The following MED12L variants were observed in gnomAD, a reference collection of about 807,000 sequenced individuals.
MED12L encodes the protein mediator of RNA polymerase II transcription subunit 12-like protein.
Under a neutral mutation model 281.3 loss-of-function variants are expected in MED12L, and 60 were observed. That is an observed-to-expected ratio of 0.21 (90% CI 0.17 to 0.26). The LOEUF is 0.26. MED12L is among the 10% of genes least tolerant of loss of function. The pLI is 1.00. For missense variants in MED12L, 2,146 were observed against 2,680.9 expected (o/e 0.80, Z 4.41); for synonymous variants, 974 against 987.2 (o/e 0.99, Z 0.25).
At chr3:151,215,658 G>T (rs1052377903) in intron 16 of MED12L, among the ~76,000 whole-genome samples, 1 of 152,162 alleles carries the variant, frequency 6.6e-6, no homozygotes, top group Admixed American at 6.5e-5. Flanking sequence ...AATTCAAAAG[G>T]TTATTTGATA....
chr3:151,141,856 T>G (rs1274758923), intron 5 of MED12L, among the ~76,000 whole-genome samples: 1 of 152,224 alleles, frequency 6.6e-6, no homozygotes, highest in African/African-American at 2.4e-5. Flanking sequence ...TCCCACATTT[T>G]CTGTTAAGAA....
chr3:151,327,875 G>T, intron 16 of MED12L: 1 of 744,432 alleles, frequency 1.3e-6, no homozygotes, highest in Non-Finnish European at 2.2e-6. Flanking sequence ...CTGTACACGA[G>T]GATAATAAAA....
chr3:151,259,254 T>A (rs1738416914), intron 16 of MED12L, among the ~76,000 whole-genome samples: 1 of 152,246 alleles, frequency 6.6e-6, no homozygotes, highest in Non-Finnish European at 1.5e-5. Context: ...TATCAACCTC[T>A]GGCTTTCCTT....
chr3:151,106,113 A>G (rs1366824181), intron 2 of MED12L, among the ~76,000 whole-genome samples: 1 of 151,936 alleles, frequency 6.6e-6, no homozygotes, highest in Non-Finnish European at 1.5e-5. Flanking sequence ...ACTGGTCCCA[A>G]TCCCCTTACC....
chr3:151,275,023 GC>G (rs1416965793), intron 16 of MED12L, among the ~76,000 whole-genome samples: 1 of 152,098 alleles, frequency 6.6e-6, no homozygotes, highest in Non-Finnish European at 1.5e-5. Context: ...TGACCTTAGG[GC>G]TCGACTCACT....
chr3:151,294,891 C>T (rs1410009111), intron 16 of MED12L: 23 of 1,613,874 alleles, frequency 1.4e-5, no homozygotes, highest in Non-Finnish European at 1.9e-5. Flanking sequence ...TAAAACAAAA[C>T]TGAAGTGTAT....
chr3:151,184,325 CATGT>C (rs767466921), intron 11 of MED12L, among the ~76,000 whole-genome samples: 12 of 152,214 alleles, frequency 7.9e-5, no homozygotes, highest in Non-Finnish European at 1.6e-4. Flanking sequence ...TAAGTTCATG[CATGT>C]ATGTATGTAT....
chr3:151,409,398 A>C, intron 40 of MED12L, 66 bp downstream of exon 40: 1 of 1,395,664 alleles, frequency 7.2e-7, no homozygotes, highest in Non-Finnish European at 1.0e-6. Context: ...GTGGGAAATT[A>C]AGTAAATAGA....
At chr3:151,133,319 T>C (rs1484525135) in intron 5 of MED12L, among the ~76,000 whole-genome samples, 1 of 152,198 alleles carries the variant, frequency 6.6e-6, no homozygotes, top group Non-Finnish European at 1.5e-5. Flanking sequence ...CAGAGATCCT[T>C]ACTGTCGTTA....
chr3:151,141,201 G>GTTTTTTTTTTTTTTTTTTTTTT (rs1716973453), intron 5 of MED12L, among the ~76,000 whole-genome samples: 1 of 58,346 alleles, frequency 1.7e-5, no homozygotes, highest in East Asian at 6.0e-4. Flanking sequence ...TTTTTTTTTT[G>GTTTTTTTTTTTTTTTTTTTTTT]TTAGTAGAGA....
At chr3:151,183,171 A>C (rs1722901748) in intron 11 of MED12L, among the ~76,000 whole-genome samples, 1 of 152,230 alleles carries the variant, frequency 6.6e-6, no homozygotes, top group Non-Finnish European at 1.5e-5. Context: ...GCAGAAAATA[A>C]AAATCTCCTG....
chr3:151,405,947 T>C (rs1314530832), intron 39 of MED12L, among the ~76,000 whole-genome samples: 4 of 152,242 alleles, frequency 2.6e-5, no homozygotes, highest in African/African-American at 9.6e-5. Context: ...ATTTCTTGGT[T>C]AACAGATAAA....
chr3:151,408,479 G>GA (rs904037583), intron 39 of MED12L, among the ~76,000 whole-genome samples: 34 of 148,968 alleles, frequency 2.3e-4, no homozygotes, highest in South Asian at 8.5e-4. Context: ...AGTAAGTCCT[G>GA]AAAAAAAAAC....
Position 151,192,534 on chromosome 3 carries a change from C to G in MED12L, c.1969-16C>G, listed in dbSNP as rs1274799466. On this transcript the variant is annotated splice_polypyrimidine_tract_variant and intron_variant, in intron 14 of 44. Transcript: ENST00000687756. Reference sequence around the variant, plus strand: ...CAAAACTTACAATGTTACTTTCTTTCTCTGGCGATTATCAGGAACAGAGTA... The same window carrying G: ...CAAAACTTACAATGTTACTTTCTTTGTCTGGCGATTATCAGGAACAGAGTA... The G allele has an allele frequency of 6.7e-7, 1 of 1,500,814 alleles. No homozygotes were observed. The highest frequency in any genetic ancestry group is 1.2e-5 in the South Asian group (1 of 83,224). 93.0% of individuals were successfully genotyped at this position (1,500,814 alleles called of 1,614,324 possible).
intron 16 of MED12L, among the ~76,000 whole-genome samples, chr3:151,204,676 C>T (rs1726109847): frequency 6.6e-6 from 1 of 152,074 alleles, no homozygotes; most frequent in Non-Finnish European, 1.5e-5. Flanking sequence ...GGGTTTACAT[C>T]CACTGGAGGG....
At chr3:151,328,433 A>G (rs1425121179) in intron 16 of MED12L, 20 of 1,613,590 alleles carry the variant, frequency 1.2e-5, no homozygotes, top group Non-Finnish European at 1.5e-5. Flanking sequence ...GTTATTTACC[A>G]TTTGATGCCA....
At chr3:151,420,112 T>C (rs1464192757) in intron 43 of MED12L, among the ~76,000 whole-genome samples, 1 of 152,198 alleles carries the variant, frequency 6.6e-6, no homozygotes, top group Non-Finnish European at 1.5e-5. Context: ...TGTAGTCCTG[T>C]CTGGTTTGGG....
intron 21 of MED12L, 77 bp downstream of exon 21, chr3:151,360,682 C>A: frequency 7.5e-7 from 1 of 1,337,190 alleles, no homozygotes. Context: ...TATTGTCATC[C>A]TTTTGAATAA....
chr3:151,352,602 G>A lies in MED12L; in HGVS notation c.2398+2396G>A, dbSNP rs1363279771. 3.3e-5 allele frequency among the ~76,000 whole-genome samples: 5 copies of A among 150,948 alleles called. No homozygotes were observed. The East Asian group carries it at 9.7e-4, about 29-fold the overall frequency. ...ACAGACCTTGTGTTAGCATGTATTTGATTTCTGGGAACACATGAAAATAAT... is the reference window on the plus strand; with the variant it reads ...ACAGACCTTGTGTTAGCATGTATTTAATTTCTGGGAACACATGAAAATAAT... On this transcript the variant is annotated intron_variant, in intron 17 of 44. Coordinates refer to ENST00000687756, the MANE Select transcript of MED12L (RefSeq NM_001393769.1).
Sources: gnomAD v4.1 joint callset for allele counts (sites outside exome capture counted in the v4.1 genomes callset) on GRCh38, gnomAD v4.1.1 for gene constraint, MANE v1.5 for transcripts, NCBI Gene and HGNC (gene_info 2026-07-23, HGNC 2026-07-21) for gene names.